NRXN3: variants seen among roughly 807,000 people sequenced by gnomAD.
NRXN3 encodes the protein neurexin 3.
Under a neutral mutation model 137.6 loss-of-function variants are expected in NRXN3, and 32 were observed. The ratio of observed to expected loss-of-function variants is 0.23; its 90% CI spans 0.18 to 0.31. The LOEUF is 0.31. Ranked by LOEUF, NRXN3 falls within the 10% of genes least tolerant of loss-of-function variation. NRXN3 has a pLI of 1.00. For synonymous variants in NRXN3, 798 were observed against 784.5 expected, an observed-to-expected ratio of 1.02 and a Z score of -0.29; for missense variants, 1,574 against 2,062.5, an observed-to-expected ratio of 0.76 and a Z score of 4.59.
At chr14:78,300,074 C>T (rs1246517454) in intron 4 of NRXN3, among the ~76,000 whole-genome samples, 2 of 151,884 alleles carry the variant, frequency 1.3e-5, no homozygotes, top group African/African-American at 2.4e-5. Flanking sequence ...GTACTCCTTT[C>T]CTTTTCCTTA....
At chr14:78,315,724 G>A (rs896451415) in intron 4 of NRXN3, among the ~76,000 whole-genome samples, 8 of 152,056 alleles carry the variant, frequency 5.3e-5, no homozygotes, top group African/African-American at 1.2e-4. Flanking sequence ...ATAGGATTTT[G>A]TTTTATTGTG....
At chr14:79,297,292 TG>T (rs1380682903) in intron 15 of NRXN3, among the ~76,000 whole-genome samples, 5 of 152,266 alleles carry the variant, frequency 3.3e-5, no homozygotes, top group African/African-American at 1.2e-4. Flanking sequence ...TAGACAGGGT[TG>T]TTAGAAAATA....
chr14:79,014,839 A>G (rs983767444), intron 15 of NRXN3, among the ~76,000 whole-genome samples: 1 of 152,032 alleles, frequency 6.6e-6, no homozygotes, highest in African/African-American at 2.4e-5. Flanking sequence ...TGTTGCTTTC[A>G]TCTTCTTTGA....
chr14:79,252,082 T>C (rs2076008943), intron 15 of NRXN3, among the ~76,000 whole-genome samples: 2 of 152,208 alleles, frequency 1.3e-5, no homozygotes, highest in Non-Finnish European at 2.9e-5. Flanking sequence ...GCTAATCCTT[T>C]CTACAAAATT....
At chr14:78,935,488 AC>A (rs1395920313) in intron 10 of NRXN3, among the ~76,000 whole-genome samples, 1 of 152,134 alleles carries the variant, frequency 6.6e-6, no homozygotes, top group African/African-American at 2.4e-5. Flanking sequence ...ACCTATGCCC[AC>A]CCTCTCACAT....
intron 3 of NRXN3, among the ~76,000 whole-genome samples, chr14:78,286,392 G>T (rs999175096): frequency 5.3e-5 from 8 of 152,196 alleles, no homozygotes; most frequent in African/African-American, 1.7e-4. Context: ...CCAGGAGGGG[G>T]AAATGAGGCA....
chr14:79,261,157 C>T (rs2077520056), intron 15 of NRXN3, among the ~76,000 whole-genome samples: 1 of 152,000 alleles, frequency 6.6e-6, no homozygotes, highest in Non-Finnish European at 1.5e-5. Flanking sequence ...ATAATGGGAG[C>T]AGTGGGAATT....
intron 6 of NRXN3, among the ~76,000 whole-genome samples, chr14:78,675,327 G>A (rs1436209774): frequency 6.6e-6 from 1 of 152,076 alleles, no homozygotes; most frequent in African/African-American, 2.4e-5. Context: ...AGAAATGAGT[G>A]GAATCTAAAA....
At chr14:79,309,816 T>C (rs2153229233) in intron 15 of NRXN3, among the ~76,000 whole-genome samples, 1 of 143,324 alleles carries the variant, frequency 7.0e-6, no homozygotes, top group East Asian at 2.1e-4. Context: ...GAGTTCATTG[T>C]AGATTCTGGA....
intron 15 of NRXN3, among the ~76,000 whole-genome samples, chr14:79,066,710 G>T (rs752634195): frequency 6.6e-5 from 10 of 151,620 alleles, no homozygotes; most frequent in Non-Finnish European, 1.3e-4. Flanking sequence ...CCTAGGTATT[G>T]TATTCTTTCT....
At chr14:78,527,953 T>A (rs2153808855) in intron 4 of NRXN3, among the ~76,000 whole-genome samples, 1 of 152,286 alleles carries the variant, frequency 6.6e-6, no homozygotes, top group Admixed American at 6.5e-5. Context: ...TGTGCAGTAA[T>A]TGGTAGGGAA....
chr14:78,485,348 T>C lies in NRXN3; in HGVS notation c.758-159772T>C, dbSNP rs72681575. ...CCCCCAGAGCCAAAGTTTACCTTTGTGCTGCTGGTAAGTTATCTACCTCCC... is the reference window on the plus strand; with the variant it reads ...CCCCCAGAGCCAAAGTTTACCTTTGCGCTGCTGGTAAGTTATCTACCTCCC... On this transcript the variant is annotated intron_variant, in intron 4 of 20. Coordinates refer to ENST00000335750, the MANE Select transcript of NRXN3 (RefSeq NM_001330195.2). 8.1e-4 allele frequency among the ~76,000 whole-genome samples: 123 copies of C among 152,296 alleles called. 1 individual carries two copies. The highest frequency in any genetic ancestry group is 1.5e-3 in the Non-Finnish European group (102 of 68,024).
At chr14:79,399,483 G>T (rs1288305760) in intron 15 of NRXN3, among the ~76,000 whole-genome samples, 1 of 152,074 alleles carries the variant, frequency 6.6e-6, no homozygotes, top group South Asian at 2.1e-4. Context: ...ATTCACTGTG[G>T]GGCCAGATAT....
intron 15 of NRXN3, among the ~76,000 whole-genome samples, chr14:79,199,442 T>C (rs1201598515): frequency 6.6e-6 from 1 of 152,160 alleles, no homozygotes; most frequent in Non-Finnish European, 1.5e-5. Context: ...ACACTGAGGA[T>C]TGAAGATGAG....
At chr14:79,752,952 A>G (rs1359862156) in intron 19 of NRXN3, among the ~76,000 whole-genome samples, 1 of 152,222 alleles carries the variant, frequency 6.6e-6, no homozygotes, top group Non-Finnish European at 1.5e-5. Flanking sequence ...TTATGCAACC[A>G]AAAGACACAT....
intron 10 of NRXN3, among the ~76,000 whole-genome samples, chr14:78,940,942 C>T (rs1433687191): frequency 2.6e-5 from 4 of 152,154 alleles, no homozygotes; most frequent in Admixed American, 6.5e-5. Context: ...GATTATGATT[C>T]AGTAGGAGCA....
At chr14:78,838,687 A>G (rs914185451) in intron 10 of NRXN3, among the ~76,000 whole-genome samples, 1 of 152,178 alleles carries the variant, frequency 6.6e-6, no homozygotes, top group Non-Finnish European at 1.5e-5. Context: ...TTGGCCAAGG[A>G]GAGTAAAGGA....
In NRXN3 at chr14:78,280,295, C is replaced by T. The variant is rs919260359; in HGVS notation, c.727+1633C>T. On this transcript the variant is annotated intron_variant, in intron 3 of 20. Coordinates refer to ENST00000335750, the MANE Select transcript of NRXN3 (RefSeq NM_001330195.2). ...CTTTATATGCATACATATATACACA[C>T]GTATATGCATGTTTTGTATATGCAT... 5.9e-5 allele frequency among the ~76,000 whole-genome samples: 9 copies of T among 152,084 alleles called. No homozygotes were observed. In the South Asian group the frequency reaches 1.0e-3, roughly 18 times the overall value.
At chr14:78,394,077 C>T (rs763773310) in intron 4 of NRXN3, among the ~76,000 whole-genome samples, 16 of 151,906 alleles carry the variant, frequency 1.1e-4, no homozygotes, top group South Asian at 2.1e-4. Flanking sequence ...CTTCCAGAGC[C>T]GTATGTATTT....
Sources: allele counts gnomAD v4.1 joint callset (sites outside exome capture counted in the v4.1 genomes callset), GRCh38; gene constraint gnomAD v4.1.1; transcripts MANE v1.5; gene names NCBI Gene and HGNC (gene_info 2026-07-23, HGNC 2026-07-21).